Variants in ANKFN1 observed in about 807,000 individuals in gnomAD.
ANKFN1 encodes ankyrin repeat and fibronectin type III domain containing 1, also known as ankyrin repeat and fibronectin type-III domain-containing protein 1.
ANKFN1 carries 74 observed loss-of-function variants against 108.7 expected under a neutral mutation model. That is an observed-to-expected ratio of 0.68 (90% CI 0.56 to 0.83). The LOEUF is 0.83. Ranked by LOEUF, ANKFN1 falls within the 40% of genes least tolerant of loss-of-function variation. The probability of loss-of-function intolerance (pLI) is 0.00; values close to 1 mark genes in which losing one functional copy is unlikely to be tolerated. For missense variants in ANKFN1, 1,505 were observed against 1,382.3 expected (o/e 1.09, Z -1.41); for synonymous variants, 547 against 516.2 (o/e 1.06, Z -0.81).
chr17:56,207,414 A>G lies in ANKFN1; in HGVS notation c.-70-5184A>G, dbSNP rs527611581. On this transcript the variant is annotated intron_variant, in intron 1 of 20. Transcript: ENST00000682825. ...TCTGCTGGTGTAGTTATCTCAACAG[A>G]TCTTCCAACTGAAGCTCTTACGGAT... is the stretch of plus-strand genomic sequence containing the variant. Among the ~76,000 whole-genome samples the G allele has an allele frequency of 8.5e-5, 13 of 152,258 alleles. No individual in the cohort carries two copies. The East Asian group carries it at 2.3e-3, about 27-fold the overall frequency.
At chr17:56,268,551 G>T (rs908694502) in intron 3 of ANKFN1, among the ~76,000 whole-genome samples, 14 of 152,108 alleles carry the variant, frequency 9.2e-5, no homozygotes, top group African/African-American at 3.4e-4. Flanking sequence ...CAATCCCAAG[G>T]CTGGCAGAAG....
rs1215677525 is a variant in ANKFN1 at position 56,335,213 on chromosome 17, G to T, written c.188+8858G>T. ...TCTTGGCAATGCGGGCTCTTTTTTG[G>T]TTCCATATGAACTTTAAAGTAGTTT... On this transcript the variant is annotated intron_variant, in intron 4 of 20. Transcript: ENST00000682825. Among the ~76,000 whole-genome samples the T allele has an allele frequency of 2.0e-5, 3 of 152,062 alleles. No homozygotes were observed. The East Asian group carries it at 5.8e-4, about 29-fold the overall frequency.
At chr17:56,229,458 T>G (rs2143921151) in intron 3 of ANKFN1, among the ~76,000 whole-genome samples, 1 of 152,146 alleles carries the variant, frequency 6.6e-6, no homozygotes, top group African/African-American at 2.4e-5. Context: ...ATACTGTTAC[T>G]GCCTATTTAG....
chr17:56,257,787 T>C (rs185048002), intron 3 of ANKFN1: 2 of 152,338 alleles, frequency 1.3e-5, no homozygotes, highest in Admixed American at 1.3e-4. Flanking sequence ...CCATAGGTTT[T>C]CTCAAGCAGT....
chr17:56,259,209 ACCT>A (rs1193467342), intron 3 of ANKFN1, among the ~76,000 whole-genome samples: 3 of 152,008 alleles, frequency 2.0e-5, no homozygotes, highest in Admixed American at 6.5e-5. Context: ...CACTTCACAG[ACCT>A]CCTTTTTAGT....
In ANKFN1 at chr17:56,380,565, T is replaced by C. The variant is rs367877623; in HGVS notation, c.910+5851T>C. 5.4e-4 allele frequency among the ~76,000 whole-genome samples: 82 copies of C among 152,166 alleles called. 1 individual carries two copies. In the South Asian group the frequency reaches 0.016, roughly 30 times the overall value. On this transcript the variant is annotated intron_variant, in intron 8 of 20. Transcript: ENST00000682825. ...GGGGTGACAGACGGCACCTGGAAAA[T>C]CGGGTCACTTCCACCCTAATACTGT...
chr17:56,345,098 G>A (rs971899979), intron 4 of ANKFN1, among the ~76,000 whole-genome samples: 5 of 151,982 alleles, frequency 3.3e-5, no homozygotes, highest in African/African-American at 9.7e-5. Flanking sequence ...CTGTGCCCAT[G>A]TGTTCTCATT....
chr17:56,093,220 G>A (rs1450121617), intron 4 of ANKFN1, among the ~76,000 whole-genome samples: 1 of 150,878 alleles, frequency 6.6e-6, no homozygotes, highest in Non-Finnish European at 1.5e-5. Flanking sequence ...TGTCATGATG[G>A]CATGATATTA....
chr17:56,487,419 C>T (rs1319836549), intron 18 of ANKFN1, among the ~76,000 whole-genome samples: 2 of 152,134 alleles, frequency 1.3e-5, no homozygotes, highest in Non-Finnish European at 2.9e-5. Context: ...GGTCACCCTG[C>T]CCTGACCTTG....
At chr17:56,080,668 A>G (rs1251646869) in intron 4 of ANKFN1, among the ~76,000 whole-genome samples, 1 of 152,230 alleles carries the variant, frequency 6.6e-6, no homozygotes, top group African/African-American at 2.4e-5. Context: ...CCATGTGGTA[A>G]CTGAGGCCCA....
intron 8 of ANKFN1, among the ~76,000 whole-genome samples, chr17:56,381,570 C>T: frequency 6.6e-6 from 1 of 152,126 alleles, no homozygotes; most frequent in Non-Finnish European, 1.5e-5. Flanking sequence ...ACTAGAATAA[C>T]CAATACAGGG....
intron 2 of ANKFN1, among the ~76,000 whole-genome samples, chr17:56,223,016 G>A (rs1447492407): frequency 2.0e-5 from 3 of 152,118 alleles, no homozygotes; most frequent in Non-Finnish European, 4.4e-5. Flanking sequence ...ATCCTACTTA[G>A]CCACTAACAA....
intron 12 of ANKFN1, 41 bp downstream of exon 12, chr17:56,457,001 A>T: frequency 6.4e-7 from 1 of 1,560,214 alleles, no homozygotes; most frequent in Non-Finnish European, 8.8e-7. Flanking sequence ...TTAACTTTTC[A>T]AGAATGCACT....
At chr17:56,297,890 A>G (rs1049664383) in intron 3 of ANKFN1, among the ~76,000 whole-genome samples, 4 of 152,252 alleles carry the variant, frequency 2.6e-5, no homozygotes, top group South Asian at 2.1e-4. Context: ...CATGTAATAA[A>G]ACATTTTGCA....
intron 18 of ANKFN1, among the ~76,000 whole-genome samples, chr17:56,491,154 G>T (rs2051025652): frequency 6.6e-6 from 1 of 152,130 alleles, no homozygotes; most frequent in African/African-American, 2.4e-5. Flanking sequence ...GTAATTAGAT[G>T]TTCTTCCTAG....
chr17:56,254,044 A>G (rs988864761), intron 3 of ANKFN1: 6 of 152,234 alleles, frequency 3.9e-5, no homozygotes, highest in African/African-American at 1.4e-4. Flanking sequence ...TTGGGGAACA[A>G]ATATTCAGTA....
intron 4 of ANKFN1, among the ~76,000 whole-genome samples, chr17:56,058,665 A>G (rs558791600): frequency 6.6e-6 from 1 of 152,040 alleles, no homozygotes; most frequent in African/African-American, 2.4e-5. Flanking sequence ...ACTCACACTT[A>G]TAAGTGAAAC....
At chr17:56,130,238 C>T (rs1024853956) in intron 4 of ANKFN1, among the ~76,000 whole-genome samples, 3 of 152,184 alleles carry the variant, frequency 2.0e-5, no homozygotes, top group African/African-American at 4.8e-5. Flanking sequence ...GTGATCTGGG[C>T]TGTTACAGTA....
intron 15 of ANKFN1, among the ~76,000 whole-genome samples, chr17:56,467,836 AAG>A (rs2050176331): frequency 7.9e-5 from 3 of 38,004 alleles, no homozygotes; most frequent in African/African-American, 1.3e-4. Flanking sequence ...GAAAGAAAGA[AAG>A]AAAGAAAGAA....
Sources: gnomAD v4.1 joint callset for allele counts (sites outside exome capture counted in the v4.1 genomes callset) on GRCh38, gnomAD v4.1.1 for gene constraint, MANE v1.5 for transcripts, NCBI Gene and HGNC (gene_info 2026-07-23, HGNC 2026-07-21) for gene names.